The following KIAA1328 variants were observed in gnomAD, a reference collection of about 807,000 sequenced individuals.
KIAA1328 encodes the protein KIAA1328, also known as protein hinderin.
Under a neutral mutation model 68.1 loss-of-function variants are expected in KIAA1328, and 52 were observed. The ratio of observed to expected loss-of-function variants is 0.76; its 90% CI spans 0.61 to 0.96. The LOEUF (loss-of-function observed/expected upper bound fraction) is 0.96, where lower values mean the gene tolerates loss of function less well. Ranked by LOEUF, KIAA1328 falls within the 40% of genes least tolerant of loss-of-function variation. KIAA1328 has a pLI of 0.00. For missense variants in KIAA1328, 641 were observed against 677.6 expected (o/e 0.95, Z 0.60); for synonymous variants, 232 against 239.4 (o/e 0.97, Z 0.28).
chr18:37,155,907 T>G (rs975946317), intron 7 of KIAA1328, among the ~76,000 whole-genome samples: 1 of 152,354 alleles, frequency 6.6e-6, no homozygotes, highest in East Asian at 1.9e-4. Flanking sequence ...TTATTTTACC[T>G]AGAACATTCT....
At chr18:37,141,686 G>T (rs1001330074) in intron 7 of KIAA1328, among the ~76,000 whole-genome samples, 1 of 152,162 alleles carries the variant, frequency 6.6e-6, no homozygotes, top group African/African-American at 2.4e-5. Flanking sequence ...GTTTTCCAAA[G>T]CTATATAACA....
chr18:37,122,144 A>G (rs1257779226), intron 7 of KIAA1328, among the ~76,000 whole-genome samples: 1 of 152,182 alleles, frequency 6.6e-6, no homozygotes, highest in Non-Finnish European at 1.5e-5. Context: ...GGAGACTAAT[A>G]CAAGCAGTAA....
chr18:37,099,973 G>C (rs1210133343), intron 7 of KIAA1328, among the ~76,000 whole-genome samples: 1 of 152,068 alleles, frequency 6.6e-6, no homozygotes, highest in Non-Finnish European at 1.5e-5. Context: ...GTGTGTCTTT[G>C]CACGTGAGAT....
In KIAA1328 at chr18:36,884,019, T is replaced by G. The variant is rs185347580; in HGVS notation, c.333-1538T>G. On this transcript the variant is annotated intron_variant, in intron 4 of 9. Transcript: ENST00000280020. ...GATATAGTGAAAGAAATTCTGGAAC[T>G]TCAGTGGGAAATAATTTTTAAAATT... Among the ~76,000 whole-genome samples, 696 of 149,508 alleles carry G rather than the reference T, an allele frequency of 4.7e-3. 7 individuals are homozygous for G. The highest frequency in any genetic ancestry group is 0.016 in the African/African-American group (659 of 40,420).
At chr18:37,067,837 C>A (rs891275449) in intron 7 of KIAA1328, among the ~76,000 whole-genome samples, 4 of 152,150 alleles carry the variant, frequency 2.6e-5, no homozygotes, top group Non-Finnish European at 5.9e-5. Flanking sequence ...AGATTACAGG[C>A]ATGAGCTACC....
At chr18:37,118,019 T>C (rs2058167356) in intron 7 of KIAA1328, among the ~76,000 whole-genome samples, 1 of 151,476 alleles carries the variant, frequency 6.6e-6, no homozygotes, top group East Asian at 1.9e-4. Context: ...TTTTTTTTTT[T>C]TTGAGACACA....
chr18:37,182,925 C>T (rs1252892692), intron 9 of KIAA1328, among the ~76,000 whole-genome samples: 1 of 152,172 alleles, frequency 6.6e-6, no homozygotes, highest in African/African-American at 2.4e-5. Context: ...GCATCTAAAA[C>T]AATACATGTG....
At chr18:36,932,451 T>G (rs892623030) in intron 5 of KIAA1328, among the ~76,000 whole-genome samples, 1 of 152,148 alleles carries the variant, frequency 6.6e-6, no homozygotes, top group Non-Finnish European at 1.5e-5. Context: ...TGAAAACTCC[T>G]GGGGTCAAGC....
intron 4 of KIAA1328, among the ~76,000 whole-genome samples, chr18:36,844,625 G>A (rs907135266): frequency 3.9e-5 from 6 of 151,906 alleles, no homozygotes; most frequent in South Asian, 2.1e-4. Flanking sequence ...AATCAGAGGC[G>A]TAGCAGTTAC....
intron 6 of KIAA1328, among the ~76,000 whole-genome samples, chr18:37,040,140 G>A (rs1379358160): frequency 1.3e-5 from 2 of 152,126 alleles, no homozygotes; most frequent in African/African-American, 2.4e-5. Context: ...TGTTTTAAGG[G>A]CTTGTGTGAT....
chr18:37,178,437 A>G (rs1488795022), intron 9 of KIAA1328, among the ~76,000 whole-genome samples: 4 of 152,224 alleles, frequency 2.6e-5, no homozygotes, highest in African/African-American at 9.6e-5. Flanking sequence ...TTTATGGCTG[A>G]ATAGTATTCA....
At chr18:37,087,318 C>G (rs1010900934) in intron 7 of KIAA1328, among the ~76,000 whole-genome samples, 1 of 152,118 alleles carries the variant, frequency 6.6e-6, no homozygotes, top group East Asian at 1.9e-4. Flanking sequence ...CCTCAGCTTC[C>G]CAAAGAGCTG....
chr18:36,964,546 T>A (rs2051834636), intron 6 of KIAA1328, among the ~76,000 whole-genome samples: 1 of 152,184 alleles, frequency 6.6e-6, no homozygotes, highest in African/African-American at 2.4e-5. Context: ...TTGACATCTG[T>A]CATTTCCTTG....
intron 6 of KIAA1328, among the ~76,000 whole-genome samples, chr18:36,967,805 A>G (rs2052005060): frequency 6.6e-6 from 1 of 152,156 alleles, no homozygotes; most frequent in Non-Finnish European, 1.5e-5. Context: ...GGAGTGGGTG[A>G]GTTGAACAGG....
At chr18:36,831,987 ATT>A (rs1271727374) in intron 1 of KIAA1328, among the ~76,000 whole-genome samples, 1 of 152,208 alleles carries the variant, frequency 6.6e-6, no homozygotes, top group Non-Finnish European at 1.5e-5. Context: ...TTTAACTACT[ATT>A]TATATAGCAT....
chr18:37,152,467 G>T (rs953956863), intron 7 of KIAA1328, among the ~76,000 whole-genome samples: 5 of 152,238 alleles, frequency 3.3e-5, no homozygotes, highest in Middle Eastern at 3.4e-3. Flanking sequence ...GGTACCTTTT[G>T]TCTCTGTAAG....
At chr18:36,972,310 T>C (rs2052256197) in intron 6 of KIAA1328, among the ~76,000 whole-genome samples, 2 of 152,230 alleles carry the variant, frequency 1.3e-5, no homozygotes, top group Admixed American at 1.3e-4. Context: ...AAAACCTAGT[T>C]TCAGTTAATG....
At chr18:37,122,707 A>AT (rs2058301912) in intron 7 of KIAA1328, among the ~76,000 whole-genome samples, 2 of 152,138 alleles carry the variant, frequency 1.3e-5, no homozygotes, top group African/African-American at 4.8e-5. Flanking sequence ...GGTATTCTCA[A>AT]TTTTCTCTGT....
intron 7 of KIAA1328, among the ~76,000 whole-genome samples, chr18:37,119,948 A>AAGAAAAGG: frequency 6.6e-6 from 1 of 152,168 alleles, no homozygotes; most frequent in Non-Finnish European, 1.5e-5. Context: ...GGATGGGGCA[A>AAGAAAAGG]AGAAAAGGAA....
Sources: gnomAD v4.1 joint callset for allele counts (sites outside exome capture counted in the v4.1 genomes callset) on GRCh38, gnomAD v4.1.1 for gene constraint, MANE v1.5 for transcripts, NCBI Gene and HGNC (gene_info 2026-07-23, HGNC 2026-07-21) for gene names.